NTRK3: variants seen among roughly 807,000 people sequenced by gnomAD.
NTRK3 encodes the protein neurotrophic receptor tyrosine kinase 3, also known as NT-3 growth factor receptor.
Under a neutral mutation model 91.7 loss-of-function variants are expected in NTRK3, and 24 were observed. The ratio of observed to expected loss-of-function variants is 0.26; its 90% CI spans 0.19 to 0.37. The LOEUF is 0.37. NTRK3 is among the 10% of genes least tolerant of loss of function. NTRK3 has a pLI of 1.00. For synonymous variants in NTRK3, 483 were observed against 404.0 expected, an observed-to-expected ratio of 1.20 and a Z score of -2.34; for missense variants, 880 against 1,068.9, an observed-to-expected ratio of 0.82 and a Z score of 2.46.
chr15:88,060,112 G>A (rs1434836835), intron 13 of NTRK3, among the ~76,000 whole-genome samples: 1 of 152,186 alleles, frequency 6.6e-6, no homozygotes, highest in Non-Finnish European at 1.5e-5. Flanking sequence ...CCCTGTGGCT[G>A]GGTGAGGTGG....
chr15:88,040,482 G>A (rs1163927460), intron 13 of NTRK3, among the ~76,000 whole-genome samples: 4 of 152,092 alleles, frequency 2.6e-5, no homozygotes, highest in African/African-American at 4.8e-5. Flanking sequence ...AAAAAGGAGC[G>A]GCCTCCCAGG....
intron 3 of NTRK3, among the ~76,000 whole-genome samples, chr15:88,224,611 A>G (rs2050521749): frequency 6.6e-6 from 1 of 152,220 alleles, no homozygotes; most frequent in Non-Finnish European, 1.5e-5. Flanking sequence ...CCTGGAACCT[A>G]TTAAGACTTC....
At chr15:87,920,656 T>G (rs1369905303) in intron 17 of NTRK3, among the ~76,000 whole-genome samples, 1 of 152,178 alleles carries the variant, frequency 6.6e-6, no homozygotes, top group Non-Finnish European at 1.5e-5. Context: ...GGAGTTATAA[T>G]TTGCTCACAA....
intron 14 of NTRK3, among the ~76,000 whole-genome samples, chr15:88,000,894 A>G (rs1016606851): frequency 3.3e-5 from 5 of 152,204 alleles, no homozygotes; most frequent in African/African-American, 1.2e-4. Flanking sequence ...GTCATATGGT[A>G]ATTCAATGTT....
At chr15:87,992,159 TG>T (rs2075338095) in intron 14 of NTRK3, among the ~76,000 whole-genome samples, 1 of 152,312 alleles carries the variant, frequency 6.6e-6, no homozygotes, top group East Asian at 1.9e-4. Flanking sequence ...ACCAGTGACT[TG>T]AAAGTGCCAC....
intron 13 of NTRK3, among the ~76,000 whole-genome samples, chr15:88,119,608 C>T (rs1187301085): frequency 6.6e-6 from 1 of 152,150 alleles, no homozygotes; most frequent in Non-Finnish European, 1.5e-5. Flanking sequence ...CCAGGAATCC[C>T]AAGTACAGGA....
chr15:88,069,480 T>C (rs1055484560), intron 13 of NTRK3, among the ~76,000 whole-genome samples: 1 of 152,128 alleles, frequency 6.6e-6, no homozygotes, highest in Non-Finnish European at 1.5e-5. Context: ...TGCAGCGGTG[T>C]CAGGGGGAGC....
chr15:88,092,317 T>C (rs1423875127), intron 13 of NTRK3, among the ~76,000 whole-genome samples: 3 of 152,220 alleles, frequency 2.0e-5, no homozygotes, highest in African/African-American at 7.2e-5. Context: ...AGGCTCCGAC[T>C]GCATGGCCAC....
At chr15:88,210,202 GA>G (rs1005148376) in intron 3 of NTRK3, 38 of 152,304 alleles carry the variant, frequency 2.5e-4, no homozygotes, top group African/African-American at 9.1e-4. Context: ...CACCTAGGAA[GA>G]AATGTTTTTC....
At chr15:88,033,209 T>TATATATAA (rs1167657344) in intron 13 of NTRK3, among the ~76,000 whole-genome samples, 164 bp from the exon 14 acceptor site, 1 of 133,114 alleles carries the variant, frequency 7.5e-6, no homozygotes, top group Non-Finnish European at 1.6e-5. Flanking sequence ...TATATATATA[T>TATATATAA]ATATATAAAT....
intron 5 of NTRK3, among the ~76,000 whole-genome samples, chr15:88,159,416 GA>G (rs2044226863): frequency 6.6e-6 from 1 of 152,142 alleles, no homozygotes; most frequent in Admixed American, 6.5e-5. Context: ...TGGAGGCTTG[GA>G]AAAACCAAAT....
chr15:88,181,435 C>A (rs376208793), intron 5 of NTRK3, among the ~76,000 whole-genome samples: 1 of 152,162 alleles, frequency 6.6e-6, no homozygotes, highest in East Asian at 1.9e-4. Flanking sequence ...GAGCCACCTG[C>A]AGCCCAAGAT....
At chr15:87,940,509 G>T in intron 15 of NTRK3, 114 bp downstream of exon 15, 1 of 1,517,996 alleles carries the variant, frequency 6.6e-7, no homozygotes, top group Non-Finnish European at 9.1e-7. Context: ...TCCTTTGATT[G>T]CATCTGAGAA....
intron 13 of NTRK3, among the ~76,000 whole-genome samples, chr15:88,110,532 A>G (rs1567430119): frequency 6.6e-6 from 1 of 152,178 alleles, no homozygotes; most frequent in Non-Finnish European, 1.5e-5. Context: ...GCAATGCCCA[A>G]GGGGCCCAGA....
chr15:88,206,396 C>T (rs1311302822), intron 3 of NTRK3, among the ~76,000 whole-genome samples: 5 of 147,178 alleles, frequency 3.4e-5, no homozygotes, highest in Non-Finnish European at 7.4e-5. Context: ...CGGTGGCTCA[C>T]GCCTGTAATC....
chr15:88,178,794 G>T (rs1002222744), intron 5 of NTRK3, among the ~76,000 whole-genome samples: 4 of 152,210 alleles, frequency 2.6e-5, no homozygotes, highest in Admixed American at 6.5e-5. Flanking sequence ...ATAGAAAGAG[G>T]AACTAAACAG....
rs1292688714 is a variant in NTRK3, at chr15:88,020,273, CAG to C, written c.1585+12582_1585+12583del. On this transcript the variant is annotated intron_variant, in intron 14 of 18. Transcript: ENST00000394480. Reference sequence around the variant, plus strand: ...CTCTGCCACCTTCTAGTTGAGCCCACAGAGTTTCGGTCTCATTAACCCAAAAG... The same window carrying C: ...CTCTGCCACCTTCTAGTTGAGCCCACAGTTTCGGTCTCATTAACCCAAAAG... 2.0e-5 allele frequency among the ~76,000 whole-genome samples: 3 copies of C among 152,138 alleles called. No individual in the cohort carries two copies. In the East Asian group the frequency reaches 5.8e-4, roughly 30 times the overall value.
intron 5 of NTRK3, among the ~76,000 whole-genome samples, chr15:88,169,122 T>C (rs2045272767): frequency 1.3e-5 from 2 of 152,128 alleles, no homozygotes; most frequent in African/African-American, 4.8e-5. Flanking sequence ...TGCAGGGAGA[T>C]GCTGGAACTG....
At chr15:88,191,671 A>G (rs1345911954) in intron 3 of NTRK3, among the ~76,000 whole-genome samples, 1 of 152,226 alleles carries the variant, frequency 6.6e-6, no homozygotes, top group East Asian at 1.9e-4. Context: ...CTTGTAGGGC[A>G]ATGAGGAAAT....
Sources: gnomAD v4.1 joint callset for allele counts (sites outside exome capture counted in the v4.1 genomes callset) on GRCh38, gnomAD v4.1.1 for gene constraint, MANE v1.5 for transcripts, NCBI Gene and HGNC (gene_info 2026-07-23, HGNC 2026-07-21) for gene names.